Variants in HRK observed in about 807,000 individuals in gnomAD.
HRK encodes the protein harakiri, BCL2 interacting protein.
HRK carries 6 observed loss-of-function variants against 5.9 expected under a neutral mutation model. The observed-to-expected ratio is 1.02, with a 90% CI of 0.56 to 2.01. HRK has a LOEUF of 2.01. HRK is among the 30% of genes most tolerant of loss of function. The probability of loss-of-function intolerance (pLI) is 0.00; values close to 1 mark genes in which losing one functional copy is unlikely to be tolerated. For missense variants in HRK, 133 were observed against 128.3 expected (o/e 1.04, Z -0.18); for synonymous variants, 85 against 65.1 (o/e 1.31, Z -1.47).
At chr12:116,861,698 T>G (rs1217539550) in intron 1 of HRK, among the ~76,000 whole-genome samples, 2 of 152,218 alleles carry the variant, frequency 1.3e-5, no homozygotes, top group Non-Finnish European at 2.9e-5. Flanking sequence ...AAATAGACAT[T>G]TGTGCGTGCA....
rs1035422494 is a variant in HRK, at chr12:116,878,564, T to G, written c.*56+2412A>C. On this transcript the variant is annotated intron_variant, in intron 1 of 1. Coordinates refer to ENST00000257572, the MANE Select transcript of HRK (RefSeq NM_003806.4). This position sits in a 1 kb window ranked among gnomAD's most constrained non-coding sequence, Gnocchi z 4.4. ...TGTAGGCTGCAGGGAGAGAACTTGATCAGGGCCAGTGCAGGGAGCCCGAGC... is the reference window on the plus strand; with the variant it reads ...TGTAGGCTGCAGGGAGAGAACTTGAGCAGGGCCAGTGCAGGGAGCCCGAGC... 3 of 152,422 alleles carry G rather than the reference T, an allele frequency of 2.0e-5. No homozygotes were observed. Among genetic ancestry groups the G allele is most frequent in the African/African-American group, 7.2e-5 (3 of 41,444 alleles). The allele number at this position is 152,422 out of a possible 1,614,324, so 9.4% of individuals were successfully genotyped here.
At chr12:116,877,033 G>C (rs760553832) in intron 1 of HRK, among the ~76,000 whole-genome samples, 11 of 152,196 alleles carry the variant, frequency 7.2e-5, no homozygotes, top group Non-Finnish European at 1.5e-4. Flanking sequence ...TCTGTTGAGT[G>C]AAGTTAAGAG....
intron 1 of HRK, among the ~76,000 whole-genome samples, chr12:116,876,012 C>T (rs1164678608): frequency 6.6e-6 from 1 of 152,170 alleles, no homozygotes; most frequent in Non-Finnish European, 1.5e-5. Context: ...AAGCCCCCTC[C>T]CCACCTCTCG....
intron 1 of HRK, among the ~76,000 whole-genome samples, chr12:116,868,608 C>T (rs1341035646): frequency 6.6e-6 from 1 of 152,214 alleles, no homozygotes; most frequent in East Asian, 1.9e-4. Context: ...AGGATGAAAT[C>T]AGCCATGTTA....
chr12:116,872,581 C>T (rs1241670587), intron 1 of HRK, among the ~76,000 whole-genome samples: 1 of 151,240 alleles, frequency 6.6e-6, no homozygotes, highest in Non-Finnish European at 1.5e-5. Context: ...TCAAGACCAG[C>T]CTGGGCAACA....
Position 116,858,446 on chromosome 12 carries a change from G to A in HRK, c.*3077C>T, listed in dbSNP as rs933335865. ...AAGTCCCGGGGGCTCCAGTCCCAGC[G>A]GTTCCTGGCTCCCCACTCTCTGAGA... On this transcript the variant is annotated 3_prime_UTR_variant, in exon 2 of 2. Transcript: ENST00000257572. 14 of 151,912 alleles carry A rather than the reference G, an allele frequency of 9.2e-5. No homozygotes were observed. The highest frequency in any genetic ancestry group is 2.7e-4 in the African/African-American group (11 of 41,420). The allele number at this position is 151,912 out of a possible 1,614,324, so 9.4% of individuals were successfully genotyped here.
Position 116,881,125 on chromosome 12 carries a change from C to A in HRK, c.183G>T (p.Ala61=), listed in dbSNP as rs1879133824. The A allele has an allele frequency of 3.3e-6, 4 of 1,216,824 alleles. No individual in the cohort carries two copies. The highest frequency in any genetic ancestry group is 3.1e-6 in the Non-Finnish European group (3 of 979,282). The allele number at this position is 1,216,824 out of a possible 1,614,324, so 75.4% of individuals were successfully genotyped here. ...RRRARSRRAP[A]PGALPTYWPW... Reference sequence around the variant, plus strand: ...GCCAGTAGGTGGGGAGCGCGCCGGGCGCCGGCGCCCTCCGGCTCCGCGCGC... The same window carrying A: ...GCCAGTAGGTGGGGAGCGCGCCGGGAGCCGGCGCCCTCCGGCTCCGCGCGC... Residue 61 remains alanine (A), a synonymous_variant, in exon 1 of 2, where the codon GCG becomes GCT. Coordinates refer to ENST00000257572, the MANE Select transcript of HRK (RefSeq NM_003806.4).
chr12:116,858,135 A>AAAC lies in HRK; in HGVS notation c.*3387_*3388insGTT, dbSNP rs57702881. 5 of 145,644 alleles carry AAAC rather than the reference A, an allele frequency of 3.4e-5. No individual in the cohort carries two copies. Among genetic ancestry groups the AAAC allele is most frequent in the South Asian group, 2.2e-4 (1 of 4,586 alleles). 9.0% of individuals were successfully genotyped at this position (145,644 alleles called of 1,614,324 possible). ...AGGCGGCTAAAAAAAAAAAAAAAAAACGAACAAAAAAACAGGAACTGGGCT... is the reference window on the plus strand; with the variant it reads ...AGGCGGCTAAAAAAAAAAAAAAAAAAAACCGAACAAAAAAACAGGAACTGGGCT... On this transcript the variant is annotated 3_prime_UTR_variant, in exon 2 of 2. Transcript: ENST00000257572.
chr12:116,867,361 C>T lies in HRK; in HGVS notation c.*57-5895G>A, dbSNP rs183105498. 6.0e-3 allele frequency among the ~76,000 whole-genome samples: 914 copies of T among 151,976 alleles called. 10 individuals are homozygous for T. The highest frequency in any genetic ancestry group is 0.021 in the African/African-American group (883 of 41,458). ...GTTTCACTATGTTGGCCAGGCTGGT[C>T]TCGAACTCCTGACCTCAGGTGATCC... is the stretch of plus-strand genomic sequence containing the variant. On this transcript the variant is annotated intron_variant, in intron 1 of 1. Coordinates refer to ENST00000257572, the MANE Select transcript of HRK (RefSeq NM_003806.4).
intron 1 of HRK, among the ~76,000 whole-genome samples, chr12:116,866,040 C>T (rs1325379744): frequency 6.6e-6 from 1 of 151,152 alleles, no homozygotes; most frequent in Non-Finnish European, 1.5e-5. Flanking sequence ...CACCTGTAAT[C>T]CCAGCTAGTC....
rs543478866 is a variant in HRK, at chr12:116,863,838, C to T, written c.*57-2372G>A. On this transcript the variant is annotated intron_variant, in intron 1 of 1. Transcript: ENST00000257572. ...CTCAGCCTCTAGCTGGGACTATCGG[C>T]ATGCACCACCACATCTGGCTAATTT... Among the ~76,000 whole-genome samples, 7 of 152,196 alleles carry T rather than the reference C, an allele frequency of 4.6e-5. No individual in the cohort carries two copies. In the South Asian group the frequency reaches 1.5e-3, roughly 32 times the overall value.
At chr12:116,863,225 G>A (rs1048168793) in intron 1 of HRK, among the ~76,000 whole-genome samples, 1 of 152,216 alleles carries the variant, frequency 6.6e-6, no homozygotes, top group Non-Finnish European at 1.5e-5. Context: ...TGACTTGCAT[G>A]AACTGTAGCA....
rs1878314251 is a variant in HRK, at chr12:116,860,336, C to A, written c.*1187G>T. 1 of 152,250 alleles carries A rather than the reference C, an allele frequency of 6.6e-6. No individual in the cohort carries two copies. The highest frequency in any genetic ancestry group is 2.1e-4 in the South Asian group (1 of 4,816). 9.4% of individuals were successfully genotyped at this position (152,250 alleles called of 1,614,324 possible). A position where few individuals can be genotyped will look rare whatever the true frequency, so the allele number is the denominator to read the frequency against. ...ATCCTTGGGGGGAAAAAAATCAGACCTCTGTCAATCAGTGAGATGCTGGTG... is the reference window on the plus strand; with the variant it reads ...ATCCTTGGGGGGAAAAAAATCAGACATCTGTCAATCAGTGAGATGCTGGTG... On this transcript the variant is annotated 3_prime_UTR_variant, in exon 2 of 2. Transcript: ENST00000257572.
rs1435038235 is a variant in HRK at position 116,857,829 on chromosome 12, G to A, written c.*3694C>T. On this transcript the variant is annotated 3_prime_UTR_variant, in exon 2 of 2. Coordinates refer to ENST00000257572, the MANE Select transcript of HRK (RefSeq NM_003806.4). ...AGCACTTTGGGAGGCCAAGGCAGGTGGATCACTTGAGGCCAGGAGTTCAAA... is the reference window on the plus strand; with the variant it reads ...AGCACTTTGGGAGGCCAAGGCAGGTAGATCACTTGAGGCCAGGAGTTCAAA... The A allele has an allele frequency of 1.3e-5, 2 of 152,150 alleles. No homozygotes were observed. The highest frequency in any genetic ancestry group is 4.8e-5 in the African/African-American group (2 of 41,420). 9.4% of individuals were successfully genotyped at this position (152,150 alleles called of 1,614,324 possible).
chr12:116,866,813 G>C (rs1878564480), intron 1 of HRK, among the ~76,000 whole-genome samples: 2 of 152,174 alleles, frequency 1.3e-5, no homozygotes, highest in African/African-American at 4.8e-5. Flanking sequence ...TAGTAGCTCA[G>C]CTCAGCACAG....
At chr12:116,876,698 C>T (rs1035445389) in intron 1 of HRK, 4 of 150,938 alleles carry the variant, frequency 2.7e-5, no homozygotes, top group African/African-American at 9.7e-5. Context: ...CACCATAAAG[C>T]GTCTTTTGTT....
intron 1 of HRK, among the ~76,000 whole-genome samples, chr12:116,867,046 T>C (rs1369331775): frequency 6.6e-6 from 1 of 152,024 alleles, no homozygotes; most frequent in Admixed American, 6.6e-5. Context: ...TCCCAGCACT[T>C]TGGGAGGCCA....
Position 116,858,256 on chromosome 12 carries a change from CATTGGGG to C in HRK, c.*3260_*3266del, listed in dbSNP as rs1878229589. 1 of 151,480 alleles carries C rather than the reference CATTGGGG, an allele frequency of 6.6e-6. No individual in the cohort carries two copies. Among genetic ancestry groups the C allele is most frequent in the Non-Finnish European group, 1.5e-5 (1 of 67,974 alleles). 9.4% of individuals were successfully genotyped at this position (151,480 alleles called of 1,614,324 possible). A position where few individuals can be genotyped will look rare whatever the true frequency, so the allele number is the denominator to read the frequency against. On this transcript the variant is annotated 3_prime_UTR_variant, in exon 2 of 2. Transcript: ENST00000257572. ...ACGGCCTAGGACCATGGACAGCAGC[CATTGGGG>C]CCAATGGGCTCCCCAGAGAAACTTC... is the stretch of plus-strand genomic sequence containing the variant.
At position 116,881,086 on chromosome 12, in the gene HRK, C is replaced by G. The variant is rs545994190; in HGVS notation, c.222G>C (p.Ala74=). The change falls in exon 1 of 2, where the codon GCG becomes GCC. Residue 74 remains alanine (A), a synonymous_variant. Transcript: ENST00000257572. ...CCGCCAGCGCCGCCACCTGCGCGGC[C>G]GCGCACAGCCAAGGCCAGTAGGTGG... ...ALPTYWPWLC[A]AAQVAALAAW... 1.1e-5 allele frequency: 15 copies of G among 1,339,968 alleles called. No individual in the cohort carries two copies. Among genetic ancestry groups the G allele is most frequent in the Non-Finnish European group, 1.2e-5 (13 of 1,047,190 alleles). The allele number at this position is 1,339,968 out of a possible 1,614,324, so 83.0% of individuals were successfully genotyped here. A position where few individuals can be genotyped will look rare whatever the true frequency, so the allele number is the denominator to read the frequency against.
Sources: allele counts gnomAD v4.1 joint callset (sites outside exome capture counted in the v4.1 genomes callset), GRCh38; gene constraint gnomAD v4.1.1; non-coding constraint Gnocchi (gnomAD v3.1); transcripts MANE v1.5; gene names NCBI Gene and HGNC (gene_info 2026-07-23, HGNC 2026-07-21).